The following GALNT7 variants were observed in gnomAD, a reference collection of about 807,000 sequenced individuals.
GALNT7 encodes N-acetylgalactosaminyltransferase 7.
Under a neutral mutation model 82.1 loss-of-function variants are expected in GALNT7, and 60 were observed. That is an observed-to-expected ratio of 0.73 (90% CI 0.59 to 0.91). The LOEUF is 0.91. Among genes scored for constraint, GALNT7 ranks in the 40% least tolerant of loss-of-function variants. The probability of loss-of-function intolerance (pLI) is 0.00; values close to 1 mark genes in which losing one functional copy is unlikely to be tolerated. For synonymous variants in GALNT7, 243 were observed against 275.1 expected (o/e 0.88, Z 1.15); for missense variants, 660 against 804.2 (o/e 0.82, Z 2.17).
intron 7 of GALNT7, among the ~76,000 whole-genome samples, chr4:173,303,613 G>A (rs921087482): frequency 4.6e-5 from 7 of 152,178 alleles, no homozygotes; most frequent in Admixed American, 1.3e-4. Context: ...GAGAGAAGCC[G>A]AAGGTGAAGA....
intron 2 of GALNT7, among the ~76,000 whole-genome samples, chr4:173,266,167 C>A (rs1174544034): frequency 6.6e-6 from 1 of 152,082 alleles, no homozygotes; most frequent in Non-Finnish European, 1.5e-5. Flanking sequence ...GGCTGAGGCA[C>A]AAGAATTGTT....
chr4:173,304,555 G>A (rs1737073895), intron 8 of GALNT7, among the ~76,000 whole-genome samples: 1 of 151,898 alleles, frequency 6.6e-6, no homozygotes, highest in Admixed American at 6.6e-5. Flanking sequence ...TTTTTGTGCT[G>A]AGAACACTTA....
intron 1 of GALNT7, among the ~76,000 whole-genome samples, chr4:173,210,133 C>G (rs1157505758): frequency 7.1e-6 from 1 of 141,404 alleles, no homozygotes; most frequent in African/African-American, 2.6e-5. Context: ...GACTCCGTCT[C>G]AAAAAAAGAA....
chr4:173,272,994 G>T (rs539699663), intron 2 of GALNT7, among the ~76,000 whole-genome samples: 8 of 152,146 alleles, frequency 5.3e-5, no homozygotes, highest in Admixed American at 3.9e-4. Context: ...ATTACAACCT[G>T]TCTTGCAACC....
chr4:173,299,612 C>T (rs906024538), intron 6 of GALNT7, among the ~76,000 whole-genome samples: 2 of 152,044 alleles, frequency 1.3e-5, no homozygotes, highest in Non-Finnish European at 2.9e-5. Flanking sequence ...TTTGGGAGGC[C>T]GAGGCAGGCG....
chr4:173,231,741 G>A (rs186006077), intron 1 of GALNT7, among the ~76,000 whole-genome samples: 1 of 152,062 alleles, frequency 6.6e-6, no homozygotes, highest in African/African-American at 2.4e-5. Context: ...ATATATGGAG[G>A]CCAGGAAACA....
chr4:173,197,196 A>G (rs1296145877), intron 1 of GALNT7, among the ~76,000 whole-genome samples: 1 of 151,580 alleles, frequency 6.6e-6, no homozygotes, highest in Non-Finnish European at 1.5e-5. Context: ...TCAGACTTCC[A>G]GACTCATCAC....
chr4:173,244,613 A>G (rs1734551344), intron 1 of GALNT7, among the ~76,000 whole-genome samples: 1 of 152,056 alleles, frequency 6.6e-6, no homozygotes, highest in Non-Finnish European at 1.5e-5. Context: ...ATAGTACCTA[A>G]CTCATGGGAT....
intron 1 of GALNT7, among the ~76,000 whole-genome samples, chr4:173,173,789 G>A (rs62341097): frequency 0.031 from 4,644 of 152,196 alleles, 91 homozygotes; most frequent in Non-Finnish European, 0.048. Flanking sequence ...TTAGGTTCAG[G>A]GTGTATATAA....
chr4:173,188,812 T>C (rs1441159462), intron 1 of GALNT7, among the ~76,000 whole-genome samples: 1 of 152,224 alleles, frequency 6.6e-6, no homozygotes, highest in Non-Finnish European at 1.5e-5. Context: ...CATACCGATA[T>C]ATCTGACCTC....
Position 173,288,299 on chromosome 4 carries a change from A to G in GALNT7, c.588-3809A>G, listed in dbSNP as rs911283626. On this transcript the variant is annotated intron_variant, in intron 2 of 11. Coordinates refer to ENST00000265000, the MANE Select transcript of GALNT7 (RefSeq NM_017423.3). Reference sequence around the variant, plus strand: ...CTCCATCTCAAAAAAAAAAAAAAAAAAAAAAAGAAAAGAACATATGAATTG... The same window carrying G: ...CTCCATCTCAAAAAAAAAAAAAAAAGAAAAAAGAAAAGAACATATGAATTG... Among the ~76,000 whole-genome samples, 12 of 149,642 alleles carry G rather than the reference A, an allele frequency of 8.0e-5. No homozygotes were observed. The South Asian group carries it at 8.4e-4, about 10-fold the overall frequency.
At chr4:173,244,758 C>G (rs942507199) in intron 1 of GALNT7, among the ~76,000 whole-genome samples, 11 of 152,030 alleles carry the variant, frequency 7.2e-5, no homozygotes, top group African/African-American at 2.2e-4. Context: ...AAAGAAGTGG[C>G]CAGATGGAGG....
chr4:173,251,638 C>T (rs1016054394), intron 2 of GALNT7, among the ~76,000 whole-genome samples: 9 of 152,282 alleles, frequency 5.9e-5, no homozygotes, highest in South Asian at 4.1e-4. Context: ...CCTTGCACCC[C>T]GCAGTTTCCT....
At chr4:173,236,225 C>T (rs903734606) in intron 1 of GALNT7, among the ~76,000 whole-genome samples, 26 of 152,092 alleles carry the variant, frequency 1.7e-4, no homozygotes, top group Admixed American at 1.0e-3. Flanking sequence ...GGGCCTCCAC[C>T]GTTGTCTATC....
chr4:173,309,534 G>C (rs1737298957), intron 8 of GALNT7, among the ~76,000 whole-genome samples: 1 of 152,146 alleles, frequency 6.6e-6, no homozygotes, highest in Admixed American at 6.5e-5. Flanking sequence ...CCCACTGCTT[G>C]GAGGACAAAG....
At position 173,322,631 on chromosome 4, in the gene GALNT7, A is replaced by G. The variant is rs957285878; in HGVS notation, c.*914A>G. The G allele has an allele frequency of 8.5e-5, 13 of 152,182 alleles. No individual in the cohort carries two copies. The highest frequency in any genetic ancestry group is 2.7e-4 in the African/African-American group (11 of 41,440). The allele number at this position is 152,182 out of a possible 1,614,324, so 9.4% of individuals were successfully genotyped here. A position where few individuals can be genotyped will look rare whatever the true frequency, so the allele number is the denominator to read the frequency against. Reference sequence around the variant, plus strand: ...ATACAGAAAACTATTATCAGTTGTTATTGTTATCCCTTGAAAGCGAGGGTG... The same window carrying G: ...ATACAGAAAACTATTATCAGTTGTTGTTGTTATCCCTTGAAAGCGAGGGTG... On this transcript the variant is annotated 3_prime_UTR_variant, in exon 12 of 12. Transcript: ENST00000265000.
chr4:173,276,563 A>G (rs1014098118), intron 2 of GALNT7, among the ~76,000 whole-genome samples: 1 of 152,224 alleles, frequency 6.6e-6, no homozygotes, highest in Non-Finnish European at 1.5e-5. Context: ...AATAGTCTAC[A>G]TGGGGGTTAG....
intron 1 of GALNT7, among the ~76,000 whole-genome samples, chr4:173,183,768 G>A (rs1396465311): frequency 1.3e-5 from 2 of 150,292 alleles, no homozygotes; most frequent in African/African-American, 2.5e-5. Context: ...CGGGGCGGCT[G>A]GCCTGGCAGG....
At chr4:173,173,608 A>G (rs1731947820) in intron 1 of GALNT7, among the ~76,000 whole-genome samples, 1 of 152,138 alleles carries the variant, frequency 6.6e-6, no homozygotes, top group Non-Finnish European at 1.5e-5. Flanking sequence ...AGATTCTCAT[A>G]AGGAGTGTGC....
Sources: allele counts gnomAD v4.1 joint callset (sites outside exome capture counted in the v4.1 genomes callset), GRCh38; gene constraint gnomAD v4.1.1; transcripts MANE v1.5; gene names NCBI Gene and HGNC (gene_info 2026-07-23, HGNC 2026-07-21).